The following PROM1 variants were observed in gnomAD, a reference collection of about 807,000 sequenced individuals.
The protein encoded by PROM1 is prominin-1.
Under a neutral mutation model 116.9 loss-of-function variants are expected in PROM1, and 105 were observed. The observed-to-expected ratio is 0.90, with a 90% CI of 0.77 to 1.06. The LOEUF is 1.06. Ranked by LOEUF, PROM1 falls within the 50% of genes least tolerant of loss-of-function variation. The pLI is 0.00. For missense variants in PROM1, 1,122 were observed against 1,045.2 expected, an observed-to-expected ratio of 1.07 and a Z score of -1.01; for synonymous variants, 393 against 387.0, an observed-to-expected ratio of 1.02 and a Z score of -0.18.
chr4:16,008,885 G>T, intron 12 of PROM1, 64 bp downstream of exon 12: 1 of 1,442,830 alleles, frequency 6.9e-7, no homozygotes, highest in Admixed American at 2.2e-5. Context: ...GCTAATGTCA[G>T]ATTTTTATCT....
intron 1 of PROM1, chr4:16,083,610 C>G (rs1438517809): frequency 6.5e-6 from 1 of 152,896 alleles, no homozygotes; most frequent in Non-Finnish European, 1.5e-5. Context: ...CGCTCAGCCC[C>G]GCGCCTGGTC....
intron 1 of PROM1, chr4:16,082,102 C>T (rs906758485): frequency 2.0e-5 from 3 of 152,156 alleles, no homozygotes; most frequent in Admixed American, 1.3e-4. Flanking sequence ...ATAGGTAAAG[C>T]ACCTGGCACG....
In PROM1 at chr4:16,016,390, C is replaced by T. The variant is rs781665122; in HGVS notation, c.1003-150G>A. The T allele has an allele frequency of 2.8e-4, 182 of 650,844 alleles. No individual in the cohort carries two copies. The Middle Eastern group carries it at 3.8e-3, about 13-fold the overall frequency. 40.3% of individuals were successfully genotyped at this position (650,844 alleles called of 1,614,324 possible). A position where few individuals can be genotyped will look rare whatever the true frequency, so the allele number is the denominator to read the frequency against. Reference sequence around the variant, plus strand: ...TCTTTTGAACAATAGAGTTTTATTTCGGAAAAACACAGCTCAGACCCTCCT... The same window carrying T: ...TCTTTTGAACAATAGAGTTTTATTTTGGAAAAACACAGCTCAGACCCTCCT... On this transcript the variant is annotated intron_variant, in intron 9 of 27. Coordinates refer to ENST00000447510, the MANE Select transcript of PROM1 (RefSeq NM_006017.3).
intron 5 of PROM1, 22 bp downstream of exon 5, chr4:16,033,279 AGTT>A (rs767568721): frequency 8.9e-6 from 14 of 1,568,646 alleles, no homozygotes; most frequent in Middle Eastern, 1.7e-4. Flanking sequence ...AAACACAATC[AGTT>A]GTTGTCCAAT....
At chr4:16,027,389 G>A (rs566075420) in intron 5 of PROM1, among the ~76,000 whole-genome samples, 1 of 151,968 alleles carries the variant, frequency 6.6e-6, no homozygotes, top group African/African-American at 2.4e-5. Flanking sequence ...GCTAGACCAT[G>A]ACAAGTCAGG....
At chr4:15,993,961 T>C (rs775926220) in intron 16 of PROM1, 26 bp downstream of exon 16, 1 of 1,608,414 alleles carries the variant, frequency 6.2e-7, no homozygotes, top group Admixed American at 1.7e-5. Flanking sequence ...ATGTGTTATG[T>C]CGATTCCATG....
rs201640244 is a variant in PROM1, at chr4:16,050,758, C to CA, written c.221-11758dup. Among the ~76,000 whole-genome samples, 104 of 152,282 alleles carry CA rather than the reference C, an allele frequency of 6.8e-4. 1 individual carries two copies. The East Asian group carries it at 0.018, about 26-fold the overall frequency. On this transcript the variant is annotated intron_variant, in intron 2 of 27. Coordinates refer to ENST00000447510, the MANE Select transcript of PROM1 (RefSeq NM_006017.3). ...AAGTTAATATAAGTTTATTCTGATGCAAAAAAATTTTGAAATCCATGCATA... is the reference window on the plus strand; with the variant it reads ...AAGTTAATATAAGTTTATTCTGATGCAAAAAAAATTTTGAAATCCATGCATA...
chr4:16,064,719 C>G (rs1328233656), intron 2 of PROM1, among the ~76,000 whole-genome samples: 1 of 152,078 alleles, frequency 6.6e-6, no homozygotes, highest in Non-Finnish European at 1.5e-5. Context: ...ATGGTGAAAC[C>G]CTGTCTCTAC....
chr4:16,023,656 T>C (rs1730479714), intron 7 of PROM1, among the ~76,000 whole-genome samples: 1 of 152,218 alleles, frequency 6.6e-6, no homozygotes, highest in South Asian at 2.1e-4. Flanking sequence ...CATCTTGACC[T>C]GTGTGTAACT....
At chr4:15,987,810 T>C in intron 19 of PROM1, 94 bp from the exon 20 acceptor site, 2 of 1,018,878 alleles carry the variant, frequency 2.0e-6, no homozygotes, top group South Asian at 2.8e-5. Context: ...AGCCATCAAA[T>C]CTGTCTTTAC....
chr4:15,998,530 A>G (rs199596467), intron 14 of PROM1, 42 bp from the exon 15 acceptor site: 6 of 1,503,992 alleles, frequency 4.0e-6, no homozygotes, highest in African/African-American at 1.4e-5. Flanking sequence ...TCAGTTTTAC[A>G]CTAACATACA....
chr4:16,009,280 A>G (rs1398127081), intron 11 of PROM1, among the ~76,000 whole-genome samples, 172 bp from the exon 12 acceptor site: 1 of 152,218 alleles, frequency 6.6e-6, no homozygotes, highest in Non-Finnish European at 1.5e-5. Context: ...GACCATCGAA[A>G]AGCAATTACT....
chr4:16,048,957 C>G (rs1303109029), intron 2 of PROM1, among the ~76,000 whole-genome samples: 1 of 152,124 alleles, frequency 6.6e-6, no homozygotes, highest in African/African-American at 2.4e-5. Flanking sequence ...GGTGAAGGGA[C>G]GCTCCAGGGA....
intron 6 of PROM1, 75 bp downstream of exon 6, chr4:16,025,117 A>C (rs1401312281): frequency 2.7e-6 from 4 of 1,496,192 alleles, no homozygotes; most frequent in Non-Finnish European, 3.7e-6. Flanking sequence ...TTTGATTGAG[A>C]TTCCAAATAT....
Position 16,075,729 on chromosome 4 carries a change from G to A in PROM1, c.178C>T (p.His60Tyr), listed in dbSNP as rs750283536. The A allele has an allele frequency of 5.0e-6, 8 of 1,613,572 alleles. No homozygotes were observed. The highest frequency in any genetic ancestry group is 6.8e-6 in the Non-Finnish European group (8 of 1,179,790). ...GPIGILFELV[H>Y]IFLYVVQPRD... Reference sequence around the variant, plus strand: ...GGCTGTACCACATAGAGAAAGATATGCACTAGTTCAAAGAGAATGCCAATG... The same window carrying A: ...GGCTGTACCACATAGAGAAAGATATACACTAGTTCAAAGAGAATGCCAATG... Residue 60 changes from histidine (H) to tyrosine (Y), a missense_variant, in exon 2 of 28, where the codon CAT becomes TAT. Transcript: ENST00000447510.
intron 2 of PROM1, among the ~76,000 whole-genome samples, chr4:16,043,072 T>A (rs1217140701): frequency 1.3e-5 from 2 of 152,232 alleles, no homozygotes; most frequent in Non-Finnish European, 2.9e-5. Context: ...TATGTTAAGG[T>A]GTTCTCCATT....
At chr4:16,013,150 T>C in intron 11 of PROM1, 125 bp downstream of exon 11, 1 of 738,008 alleles carries the variant, frequency 1.4e-6, no homozygotes, top group Non-Finnish European at 2.3e-6. Context: ...CTGATATTTG[T>C]TTAGTTTTGA....
chr4:15,992,295 C>T lies in PROM1; in HGVS notation c.1864G>A (p.Ala622Thr). The T allele has an allele frequency of 6.2e-7, 1 of 1,613,922 alleles. No homozygotes were observed. Among genetic ancestry groups the T allele is most frequent in the Non-Finnish European group, 8.5e-7 (1 of 1,179,842 alleles). Residue 622 changes from alanine to threonine, a missense_variant, in exon 17 of 28, where the codon GCT becomes ACT. Transcript: ENST00000447510. ...AAGRKNLQDF[A>T]ACGIDRMNYD... ...TTCATTCTGTCTATTCCACAAGCAG[C>T]AAAATCCTGAAGGTTTTTTCTTCCT... is the stretch of plus-strand genomic sequence containing the variant.
At chr4:16,041,895 C>T (rs1689290119) in intron 2 of PROM1, among the ~76,000 whole-genome samples, 1 of 151,546 alleles carries the variant, frequency 6.6e-6, no homozygotes, top group African/African-American at 2.4e-5. Flanking sequence ...GCTCAAATTC[C>T]TGGACTCAAG....
Sources: gnomAD v4.1 joint callset for allele counts (sites outside exome capture counted in the v4.1 genomes callset) on GRCh38, gnomAD v4.1.1 for gene constraint, MANE v1.5 for transcripts, NCBI Gene and HGNC (gene_info 2026-07-23, HGNC 2026-07-21) for gene names.